The following BLM variants were observed in gnomAD, a reference collection of about 807,000 sequenced individuals.
BLM encodes recQ-like DNA helicase BLM.
In BLM, 95 loss-of-function variants were observed where a neutral mutation model predicts 135.3. The ratio of observed to expected loss-of-function variants is 0.70; its 90% CI spans 0.59 to 0.83. The LOEUF is 0.83. BLM is among the 40% of genes least tolerant of loss of function. The pLI, the probability that BLM is intolerant of heterozygous loss-of-function variation, is 0.00. For synonymous variants in BLM, 520 were observed against 589.2 expected, an observed-to-expected ratio of 0.88 and a Z score of 1.70; for missense variants, 1,518 against 1,663.9, an observed-to-expected ratio of 0.91 and a Z score of 1.53.
chr15:90,736,744 G>A (rs1895228327), intron 1 of BLM, among the ~76,000 whole-genome samples: 1 of 124,950 alleles, frequency 8.0e-6, no homozygotes, highest in African/African-American at 4.4e-5. Flanking sequence ...CGGGTGTAGA[G>A]TGATTTCTAA....
chr15:90,785,990 GTTTC>G (rs1465814502), intron 14 of BLM, among the ~76,000 whole-genome samples: 1 of 131,974 alleles, frequency 7.6e-6, no homozygotes, highest in African/African-American at 2.9e-5. Context: ...GGCTTGTTTC[GTTTC>G]TTTCTTTTTT....
rs1896217518 is a variant in BLM, at chr15:90,769,013, A to T, written c.2308-120A>T. Reference sequence around the variant, plus strand: ...AGTGCTGGGATTACAGGCGTGAGCCACCGCACCCGGCCTTATAGAGGTTTT... The same window carrying T: ...AGTGCTGGGATTACAGGCGTGAGCCTCCGCACCCGGCCTTATAGAGGTTTT... On this transcript the variant is annotated intron_variant, in intron 10 of 21. Coordinates refer to ENST00000355112, the MANE Select transcript of BLM (RefSeq NM_000057.4). 3.3e-6 allele frequency: 3 copies of T among 905,380 alleles called. No individual in the cohort carries two copies. The South Asian group carries it at 4.0e-5, about 12-fold the overall frequency. The allele number at this position is 905,380 out of a possible 1,614,324, so 56.1% of individuals were successfully genotyped here.
At chr15:90,804,949 G>C (rs1897255468) in intron 19 of BLM, among the ~76,000 whole-genome samples, 1 of 152,034 alleles carries the variant, frequency 6.6e-6, no homozygotes, top group South Asian at 2.1e-4. Context: ...CGATTCTTCT[G>C]CCTCAGCCTC....
intron 12 of BLM, among the ~76,000 whole-genome samples, chr15:90,782,392 A>AAAACAAAAC (rs1567051928): frequency 6.6e-6 from 1 of 151,918 alleles, no homozygotes; most frequent in South Asian, 2.1e-4. Flanking sequence ...TGTCTCAAAA[A>AAAACAAAAC]AAAACAAAAC....
chr15:90,792,094 C>CTTTTTTTTTT (rs796474506), intron 15 of BLM, among the ~76,000 whole-genome samples: 1 of 134,514 alleles, frequency 7.4e-6, no homozygotes, highest in Non-Finnish European at 1.6e-5. Context: ...TTTTTTTTTT[C>CTTTTTTTTTT]TTTTTTTTTT....
chr15:90,806,732 T>C (rs1897294383), intron 19 of BLM, among the ~76,000 whole-genome samples: 1 of 152,182 alleles, frequency 6.6e-6, no homozygotes, highest in African/African-American at 2.4e-5. Context: ...CTGGGCTATA[T>C]TACCTTCCAT....
chr15:90,803,844 A>G, intron 18 of BLM, 124 bp downstream of exon 18: 1 of 1,024,384 alleles, frequency 9.8e-7, no homozygotes, highest in Middle Eastern at 3.2e-4. Context: ...TTCTATACGA[A>G]CATATTCTGT....
chr15:90,780,375 G>A (rs1896589748), intron 12 of BLM, among the ~76,000 whole-genome samples: 1 of 152,042 alleles, frequency 6.6e-6, no homozygotes, highest in South Asian at 2.1e-4. Flanking sequence ...GAGCCACCGC[G>A]CCCGTCCAGG....
intron 1 of BLM, among the ~76,000 whole-genome samples, chr15:90,744,155 T>C (rs1388214091): frequency 1.3e-5 from 2 of 152,210 alleles, no homozygotes; most frequent in African/African-American, 4.8e-5. Context: ...AATGATGCCA[T>C]AGACCACTTT....
Position 90,728,706 on chromosome 15 carries a change from G to A in BLM, c.-5+11266G>A, listed in dbSNP as rs867796196. Among the ~76,000 whole-genome samples the A allele has an allele frequency of 1.2e-4, 19 of 152,080 alleles. 1 individual carries two copies. The East Asian group carries it at 1.4e-3, about 11-fold the overall frequency. ...CAGGCATGAGCCACTGCACCCGGCC[G>A]GGTATTTAAATTTTTGATGTCATCT... is the stretch of plus-strand genomic sequence containing the variant. On this transcript the variant is annotated intron_variant, in intron 1 of 21. Transcript: ENST00000355112.
chr15:90,753,823 A>G (rs1596222914), intron 4 of BLM, among the ~76,000 whole-genome samples: 1 of 152,302 alleles, frequency 6.6e-6, no homozygotes, highest in South Asian at 2.1e-4. Flanking sequence ...TCTGGCCACA[A>G]TTTACCTTTT....
intron 5 of BLM, 40 bp from the exon 6 acceptor site, chr15:90,760,107 T>TC (rs761500214): frequency 5.9e-4 from 931 of 1,572,816 alleles, no homozygotes; most frequent in Non-Finnish European, 7.5e-4. Context: ...TTTTTTTTTT[T>TC]CCCTCAAAGA....
At chr15:90,808,521 C>T (rs1897330023) in intron 19 of BLM, among the ~76,000 whole-genome samples, 1 of 152,218 alleles carries the variant, frequency 6.6e-6, no homozygotes, top group Non-Finnish European at 1.5e-5. Flanking sequence ...CTTTCCTTTA[C>T]AGTCAAGTTC....
At chr15:90,743,677 C>G (rs1386327768) in intron 1 of BLM, among the ~76,000 whole-genome samples, 2 of 152,118 alleles carry the variant, frequency 1.3e-5, no homozygotes, top group African/African-American at 4.8e-5. Flanking sequence ...GTAGCTGAGA[C>G]TACAGGCATG....
At chr15:90,809,306 A>G in intron 20 of BLM, 47 bp downstream of exon 20, 1 of 1,613,412 alleles carries the variant, frequency 6.2e-7, no homozygotes, top group Non-Finnish European at 8.5e-7. Flanking sequence ...TTTAATGTGA[A>G]GCGACGCGTC....
At chr15:90,768,880 C>T (rs1333249838) in intron 10 of BLM, among the ~76,000 whole-genome samples, 1 of 152,176 alleles carries the variant, frequency 6.6e-6, no homozygotes, top group Non-Finnish European at 1.5e-5. Context: ...GCATGCACCA[C>T]CACGCCCGGC....
chr15:90,755,325 C>A (rs143956317), intron 5 of BLM: 1 of 219,544 alleles, frequency 4.6e-6, no homozygotes, highest in South Asian at 6.6e-5. Context: ...TTTCCCTCCC[C>A]CTCCTTGACT....
At chr15:90,785,825 G>T (rs1284124747) in intron 14 of BLM, among the ~76,000 whole-genome samples, 2 of 151,808 alleles carry the variant, frequency 1.3e-5, no homozygotes, top group South Asian at 2.1e-4. Context: ...GAGCCACCTC[G>T]CCTGGCCTGT....
rs1243051560 is a variant in BLM, at chr15:90,790,733, G to T, written c.2908G>T (p.Val970Leu). The change falls in exon 15 of 22, where the codon GTG (valine) becomes TTG (leucine). Residue 970 changes from valine (V) to leucine (L), a missense_variant. This residue lies in a region of BLM where 626 missense variants were observed against 681.1 expected (regional missense o/e 0.92). Transcript: ENST00000355112. ...FVIHASLPKS[V>L]EGYYQESGRA... ...GATTCATGCATCTCTCCCTAAATCT[G>T]TGGAGGGTTACTACCAAGAATCTGG... The T allele has an allele frequency of 6.2e-7, 1 of 1,613,984 alleles. No individual in the cohort carries two copies. The highest frequency in any genetic ancestry group is 8.5e-7 in the Non-Finnish European group (1 of 1,179,984).
Sources: allele counts gnomAD v4.1 joint callset (sites outside exome capture counted in the v4.1 genomes callset), GRCh38; gene constraint gnomAD v4.1.1; regional missense constraint gnomAD v4.1.1; transcripts MANE v1.5; gene names NCBI Gene and HGNC (gene_info 2026-07-23, HGNC 2026-07-21).